GRIA4: variants seen among roughly 807,000 people sequenced by gnomAD.
GRIA4 encodes the protein glutamate receptor 4.
In GRIA4, 34 loss-of-function variants were observed where a neutral mutation model predicts 104.0. That is an observed-to-expected ratio of 0.33 (90% CI 0.25 to 0.44). GRIA4 has a LOEUF of 0.44. GRIA4 is among the 20% of genes least tolerant of loss of function. The probability of loss-of-function intolerance (pLI) is 1.00; values close to 1 mark genes in which losing one functional copy is unlikely to be tolerated. For synonymous variants in GRIA4, 386 were observed against 381.9 expected (o/e 1.01, Z -0.13); for missense variants, 750 against 1,096.5 (o/e 0.68, Z 4.46).
At chr11:105,834,091 T>C (rs369246805) in intron 4 of GRIA4, among the ~76,000 whole-genome samples, 1 of 152,050 alleles carries the variant, frequency 6.6e-6, no homozygotes, top group East Asian at 1.9e-4. Context: ...CAAAATTATG[T>C]GGTGCCAGGG....
intron 3 of GRIA4, among the ~76,000 whole-genome samples, chr11:105,661,658 C>T (rs1952013484): frequency 7.0e-6 from 1 of 143,128 alleles, no homozygotes; most frequent in Non-Finnish European, 1.5e-5. Context: ...TACATCTCGA[C>T]TTTGTTTTTA....
chr11:105,786,144 CAAAAA>C lies in GRIA4; in HGVS notation c.487+32941_487+32945del, dbSNP rs34888562. On this transcript the variant is annotated intron_variant, in intron 4 of 16. Transcript: ENST00000282499. ...TGGGCGACACAGTGAGACCCTTTCT[CAAAAA>C]AAAAAAAAAAAAAAAAGGAAAGAAA... 6.7e-5 allele frequency among the ~76,000 whole-genome samples: 6 copies of C among 89,298 alleles called. No individual in the cohort carries two copies. The East Asian group carries it at 1.6e-3, about 24-fold the overall frequency. The allele number at this position is 89,298 out of a possible 152,430, so 58.6% of individuals were successfully genotyped here.
At chr11:105,775,768 T>C (rs1565226719) in intron 4 of GRIA4, among the ~76,000 whole-genome samples, 4 of 152,086 alleles carry the variant, frequency 2.6e-5, no homozygotes, top group African/African-American at 7.2e-5. Context: ...TGTACCCTTG[T>C]CAGAAAGTAC....
intron 14 of GRIA4, among the ~76,000 whole-genome samples, chr11:105,962,712 T>C (rs1226061617): frequency 6.6e-6 from 1 of 152,142 alleles, no homozygotes; most frequent in Non-Finnish European, 1.5e-5. Context: ...TGAACCTATT[T>C]CAGTCTATGC....
chr11:105,867,686 A>G (rs1341277989), intron 5 of GRIA4, among the ~76,000 whole-genome samples: 2 of 152,230 alleles, frequency 1.3e-5, no homozygotes, highest in Admixed American at 6.5e-5. Context: ...AAAGCCAAAA[A>G]GCAAAACAAA....
At position 105,661,380 on chromosome 11, in the gene GRIA4, T is replaced by C. The variant is rs1000996406; in HGVS notation, c.247+48946T>C. 1.4e-4 allele frequency among the ~76,000 whole-genome samples: 21 copies of C among 151,572 alleles called. No individual in the cohort carries two copies. The Admixed American group carries it at 1.4e-3, about 10-fold the overall frequency. ...AGTCACTACCCCCTAGAAATTGCTC[T>C]AGATTGATACTGAAGACACAAAACA... On this transcript the variant is annotated intron_variant, in intron 3 of 16. Coordinates refer to ENST00000282499, the MANE Select transcript of GRIA4 (RefSeq NM_000829.4).
At chr11:105,746,419 T>TC (rs1195643397) in intron 3 of GRIA4, among the ~76,000 whole-genome samples, 1 of 151,760 alleles carries the variant, frequency 6.6e-6, no homozygotes, top group Non-Finnish European at 1.5e-5. Flanking sequence ...GGTTTGGCTT[T>TC]TTTTTTTTAG....
In GRIA4 at chr11:105,981,470, T is replaced by C. The variant is rs903958500; in HGVS notation, c.*1731T>C. ...AGATAAAGTTGGAAAAGCTGAAGGA[T>C]TGATTTTCTTCCATCAACTCTCAAG... is the stretch of plus-strand genomic sequence containing the variant. On this transcript the variant is annotated 3_prime_UTR_variant, in exon 17 of 17. Transcript: ENST00000282499. The C allele has an allele frequency of 1.3e-5, 2 of 152,362 alleles. No individual in the cohort carries two copies. Among genetic ancestry groups the C allele is most frequent in the African/African-American group, 4.8e-5 (2 of 41,382 alleles). 9.4% of individuals were successfully genotyped at this position (152,362 alleles called of 1,614,324 possible).
At chr11:105,945,282 C>T (rs1948280559) in intron 14 of GRIA4, among the ~76,000 whole-genome samples, 1 of 152,104 alleles carries the variant, frequency 6.6e-6, no homozygotes, top group Admixed American at 6.5e-5. Context: ...ATATTTTTTT[C>T]CTCTTCCCCT....
chr11:105,685,108 A>G (rs1376153272), intron 3 of GRIA4, among the ~76,000 whole-genome samples: 1 of 135,252 alleles, frequency 7.4e-6, no homozygotes, highest in East Asian at 2.5e-4. Context: ...TACCACCTGG[A>G]TTCCTTTAGG....
At position 105,623,941 on chromosome 11, in the gene GRIA4, T is replaced by A. The variant is rs553318029; in HGVS notation, c.247+11507T>A. On this transcript the variant is annotated intron_variant, in intron 3 of 16. Transcript: ENST00000282499. ...ATAGGAATCGGTAAATATCCTTGAA[T>A]AAATGAATGAGAAATACATGGTGAG... Among the ~76,000 whole-genome samples, 7 of 152,208 alleles carry A rather than the reference T, an allele frequency of 4.6e-5. No homozygotes were observed. In the East Asian group the frequency reaches 1.4e-3, roughly 29 times the overall value.
rs570937953 is a variant in GRIA4, at chr11:105,782,901, T to A, written c.487+29681T>A. ...CTGGCTGGTTTCTCAACTTTCTAAA[T>A]CTCAAGTAGGTTGGAAGATTGAGTG... On this transcript the variant is annotated intron_variant, in intron 4 of 16. Coordinates refer to ENST00000282499, the MANE Select transcript of GRIA4 (RefSeq NM_000829.4). Among the ~76,000 whole-genome samples the A allele has an allele frequency of 9.9e-5, 15 of 152,250 alleles. No homozygotes were observed. The East Asian group carries it at 2.9e-3, about 29-fold the overall frequency.
At chr11:105,696,082 C>T (rs1458884631) in intron 3 of GRIA4, among the ~76,000 whole-genome samples, 1 of 152,190 alleles carries the variant, frequency 6.6e-6, no homozygotes, top group Non-Finnish European at 1.5e-5. Flanking sequence ...TATGTTGGGA[C>T]TTTTATGTTG....
At position 105,834,780 on chromosome 11, in the gene GRIA4, C is replaced by T. The variant is rs143998621; in HGVS notation, c.488-27244C>T. Among the ~76,000 whole-genome samples, 447 of 143,984 alleles carry T rather than the reference C, an allele frequency of 3.1e-3. 6 individuals carry two copies. Among genetic ancestry groups the T allele is most frequent in the African/African-American group, 0.011 (438 of 38,778 alleles). 94.5% of individuals were successfully genotyped at this position (143,984 alleles called of 152,430 possible). On this transcript the variant is annotated intron_variant, in intron 4 of 16. Coordinates refer to ENST00000282499, the MANE Select transcript of GRIA4 (RefSeq NM_000829.4). The stretch of plus-strand genomic sequence containing the variant: ...CAATAAGTTCAGTTCCCTGTGGGTT[C>T]GAGCAGACATCTAGGCCTAGAGCAT...
intron 13 of GRIA4, among the ~76,000 whole-genome samples, chr11:105,933,513 T>C (rs1947943541): frequency 6.6e-6 from 1 of 152,154 alleles, no homozygotes; most frequent in Admixed American, 6.6e-5. Context: ...CTTTTAAATG[T>C]CTATCATTTC....
chr11:105,784,485 G>T (rs1941870513), intron 4 of GRIA4, among the ~76,000 whole-genome samples: 1 of 152,222 alleles, frequency 6.6e-6, no homozygotes, highest in South Asian at 2.1e-4. Context: ...GAGTGCAGGA[G>T]TCTGGCCTTT....
chr11:105,753,714 A>G (rs1324413895), intron 4 of GRIA4, among the ~76,000 whole-genome samples: 1 of 152,128 alleles, frequency 6.6e-6, no homozygotes, highest in Admixed American at 6.6e-5. Flanking sequence ...AACCAGCTAT[A>G]AATTGGGGTT....
chr11:105,967,383 C>T (rs1027193171), intron 14 of GRIA4, among the ~76,000 whole-genome samples: 3 of 152,126 alleles, frequency 2.0e-5, no homozygotes, highest in African/African-American at 7.2e-5. Context: ...CTGGACAACT[C>T]AGTCAGATTT....
At chr11:105,756,389 C>T (rs1310306670) in intron 4 of GRIA4, among the ~76,000 whole-genome samples, 1 of 152,160 alleles carries the variant, frequency 6.6e-6, no homozygotes, top group Non-Finnish European at 1.5e-5. Flanking sequence ...TTCTCCCCAT[C>T]TCTGATTCCT....
Sources: gnomAD v4.1 joint callset for allele counts (sites outside exome capture counted in the v4.1 genomes callset) on GRCh38, gnomAD v4.1.1 for gene constraint, MANE v1.5 for transcripts, NCBI Gene and HGNC (gene_info 2026-07-23, HGNC 2026-07-21) for gene names.